LNX1: variants seen among roughly 807,000 people sequenced by gnomAD.
The protein encoded by LNX1 is ligand of numb-protein X 1.
A neutral mutation model predicts 68.4 loss-of-function variants in LNX1; 54 were observed. The ratio of observed to expected loss-of-function variants is 0.79; its 90% confidence interval spans 0.63 to 0.99. The LOEUF is 0.99. Among genes scored for constraint, LNX1 ranks in the 50% least tolerant of loss-of-function variants. LNX1 has a pLI of 0.00. For missense variants in LNX1, 906 were observed against 926.4 expected (o/e 0.98, Z 0.29); for synonymous variants, 336 against 350.0 (o/e 0.96, Z 0.45).
intron 6 of LNX1, among the ~76,000 whole-genome samples, chr4:53,494,866 A>G (rs1290024996): frequency 1.3e-5 from 2 of 152,234 alleles, no homozygotes; most frequent in African/African-American, 4.8e-5. Context: ...ACACAAAACT[A>G]TCAGAACATT....
In LNX1 at chr4:53,557,822, C is replaced by T. The variant is rs1730021249; in HGVS notation, c.380+15801G>A. ...CTAGGGAATGGACTCGGGTCCCACC[C>T]CCAACATACTAGGCACATAAACACA... On this transcript the variant is annotated intron_variant, in intron 2 of 10. Coordinates refer to ENST00000263925, the MANE Select transcript of LNX1 (RefSeq NM_001126328.3). 4.4e-6 allele frequency: 7 copies of T among 1,607,890 alleles called. No homozygotes were observed. In the East Asian group the frequency reaches 1.3e-4, roughly 31 times the overall value.
At chr4:53,610,726 A>AAAAAAG (rs1733455496) in intron 2 of LNX1, among the ~76,000 whole-genome samples, 1 of 151,444 alleles carries the variant, frequency 6.6e-6, no homozygotes, top group East Asian at 1.9e-4. Context: ...AAAAAAAAAA[A>AAAAAAG]AAAAAAAGAA....
At chr4:53,622,911 TA>T (rs1240042184) in intron 1 of LNX1, among the ~76,000 whole-genome samples, 1 of 152,190 alleles carries the variant, frequency 6.6e-6, no homozygotes, top group Non-Finnish European at 1.5e-5. Context: ...CTCTTAGAAG[TA>T]AAATATTATT....
At chr4:53,568,145 A>G (rs1392345496) in intron 2 of LNX1, among the ~76,000 whole-genome samples, 3 of 152,056 alleles carry the variant, frequency 2.0e-5, no homozygotes, top group Non-Finnish European at 4.4e-5. Context: ...AACTCATTTT[A>G]TGAGGCCAGC....
chr4:53,487,686 C>A (rs1165508425), intron 6 of LNX1, among the ~76,000 whole-genome samples: 1 of 152,076 alleles, frequency 6.6e-6, no homozygotes, highest in Non-Finnish European at 1.5e-5. Flanking sequence ...TTGCGTGGGC[C>A]CCTTGTTACA....
At chr4:53,507,085 C>A (rs535703333) in intron 4 of LNX1, among the ~76,000 whole-genome samples, 2 of 152,062 alleles carry the variant, frequency 1.3e-5, no homozygotes, top group East Asian at 1.9e-4. Context: ...ATGGTACTAG[C>A]GCCTGAAGGT....
chr4:53,543,617 A>T (rs764203938), intron 2 of LNX1, among the ~76,000 whole-genome samples: 16 of 152,262 alleles, frequency 1.1e-4, no homozygotes, highest in Non-Finnish European at 2.1e-4. Context: ...TTTTCAGAAC[A>T]TTAATTTACT....
chr4:53,597,831 G>GA (rs1732820073), intron 2 of LNX1, among the ~76,000 whole-genome samples: 1 of 152,188 alleles, frequency 6.6e-6, no homozygotes, highest in Non-Finnish European at 1.5e-5. Flanking sequence ...CCTAGGTGAG[G>GA]AAAAGGGGTC....
chr4:53,513,396 G>C (rs550037698), intron 2 of LNX1, among the ~76,000 whole-genome samples: 2 of 152,268 alleles, frequency 1.3e-5, no homozygotes, highest in African/African-American at 4.8e-5. Flanking sequence ...GGTGGAGCTA[G>C]ACTCTGAAGC....
chr4:53,469,540 A>T lies in LNX1; in HGVS notation c.1892+7213T>A, dbSNP rs937976070. Among the ~76,000 whole-genome samples, 1,104 of 152,310 alleles carry T rather than the reference A, an allele frequency of 7.2e-3. 11 individuals carry two copies. The highest frequency in any genetic ancestry group is 0.025 in the African/African-American group (1,045 of 41,564). ...ACACAAAAAACCCTTCAAAAAATCA[A>T]TGAATCCAGGAGCTGGTTTTTTGAA... On this transcript the variant is annotated intron_variant, in intron 9 of 10. Transcript: ENST00000263925.
At chr4:53,610,715 G>GAAAAAAAAAAAA (rs10553873) in intron 2 of LNX1, among the ~76,000 whole-genome samples, 2 of 112,540 alleles carry the variant, frequency 1.8e-5, no homozygotes, top group Non-Finnish European at 3.5e-5. Context: ...TCTCAAAGAG[G>GAAAAAAAAAAAA]AAAAAAAAAA....
intron 1 of LNX1, chr4:53,579,342 G>A (rs1731686507): frequency 3.6e-6 from 3 of 836,336 alleles, no homozygotes; most frequent in Non-Finnish European, 4.3e-6. Flanking sequence ...TTTCTGATCT[G>A]GAATAGGACA....
upstream of LNX1, among the ~76,000 whole-genome samples, chr4:53,595,782 G>A (rs75195425): frequency 2.3e-3 from 348 of 152,250 alleles, 2 homozygotes; most frequent in African/African-American, 8.1e-3. Flanking sequence ...GAAGCTTGGC[G>A]TTCTCAAGGA....
chr4:53,472,679 C>CAAAAAAAA (rs1248739480), intron 9 of LNX1, among the ~76,000 whole-genome samples: 1 of 40,946 alleles, frequency 2.4e-5, no homozygotes. Context: ...ACAACAACAA[C>CAAAAAAAA]AACAACAAAA....
At chr4:53,557,381 CA>C (rs1189156370) in intron 2 of LNX1, among the ~76,000 whole-genome samples, 1 of 151,962 alleles carries the variant, frequency 6.6e-6, no homozygotes, top group Non-Finnish European at 1.5e-5. Context: ...TCAAAAGCAT[CA>C]AAAATAAAAA....
chr4:53,470,972 C>T (rs957256729), intron 9 of LNX1, among the ~76,000 whole-genome samples: 11 of 150,214 alleles, frequency 7.3e-5, no homozygotes, highest in Non-Finnish European at 1.5e-4. Flanking sequence ...ACTTTCTTCA[C>T]AGAATTGGAA....
chr4:53,513,323 C>T (rs1726506346), intron 2 of LNX1, among the ~76,000 whole-genome samples: 1 of 151,996 alleles, frequency 6.6e-6, no homozygotes, highest in African/African-American at 2.4e-5. Flanking sequence ...TTAGTTATAC[C>T]ACCTCACTTC....
In LNX1 at chr4:53,495,780, G is replaced by A. The variant is rs187487986; in HGVS notation, c.1350+243C>T. Among the ~76,000 whole-genome samples, 75 of 152,280 alleles carry A rather than the reference G, an allele frequency of 4.9e-4. 1 individual carries two copies. The East Asian group carries it at 0.013, about 27-fold the overall frequency. ...GCTGGCCTTGAACTCCTGACCTCAT[G>A]TGATACACCTGCCTCGGCCTCCCAA... On this transcript the variant is annotated intron_variant, in intron 6 of 10. Coordinates refer to ENST00000263925, the MANE Select transcript of LNX1 (RefSeq NM_001126328.3).
At chr4:53,546,109 A>C (rs1023370326) in intron 2 of LNX1, among the ~76,000 whole-genome samples, 1 of 152,212 alleles carries the variant, frequency 6.6e-6, no homozygotes, top group Non-Finnish European at 1.5e-5. Flanking sequence ...ACTGGGCCAG[A>C]GGCCACATTT....
Sources: gnomAD v4.1 joint callset for allele counts (sites outside exome capture counted in the v4.1 genomes callset) on GRCh38, gnomAD v4.1.1 for gene constraint, MANE v1.5 for transcripts, NCBI Gene and HGNC (gene_info 2026-07-23, HGNC 2026-07-21) for gene names.